Variants in EGF observed in about 807,000 individuals in gnomAD.
The protein encoded by EGF is pro-epidermal growth factor.
A neutral mutation model predicts 143.8 loss-of-function variants in EGF; 95 were observed. The observed-to-expected ratio is 0.66, with a 90% CI of 0.56 to 0.78. EGF has a LOEUF of 0.78. Ranked by LOEUF, EGF falls within the 30% of genes least tolerant of loss-of-function variation. EGF has a pLI of 0.00. For missense variants in EGF, 1,320 were observed against 1,470.9 expected (o/e 0.90, Z 1.68); for synonymous variants, 510 against 510.5 (o/e 1.00, Z 0.01).
At chr4:109,968,423 A>G (rs1746955500) in intron 10 of EGF, among the ~76,000 whole-genome samples, 1 of 152,162 alleles carries the variant, frequency 6.6e-6, no homozygotes, top group African/African-American at 2.4e-5. Context: ...GACTGAGCCC[A>G]GCTTGTAGCC....
chr4:109,987,714 A>G, intron 16 of EGF, 30 bp from the exon 17 acceptor site: 1 of 1,575,248 alleles, frequency 6.3e-7, no homozygotes, highest in Non-Finnish European at 8.7e-7. Flanking sequence ...AGGTCTAGAA[A>G]TAACTGCACG....
intron 21 of EGF, among the ~76,000 whole-genome samples, 160 bp downstream of exon 21, chr4:110,000,006 C>A (rs1752354733): frequency 6.6e-6 from 1 of 152,260 alleles, no homozygotes; most frequent in South Asian, 2.1e-4. Context: ...AATCCCAGCA[C>A]TTTGGGAGGC....
chr4:109,994,722 G>T lies in EGF; in HGVS notation c.2858-11G>T, dbSNP rs370698699. On this transcript the variant is annotated splice_polypyrimidine_tract_variant and intron_variant, in intron 19 of 23. Transcript: ENST00000265171. ...TTCAGAAAGTAAAAGTAATGTCTTG[G>T]GTTCTTTTAGACTCTACTCCACCCC... 137 of 1,613,650 alleles carry T rather than the reference G, an allele frequency of 8.5e-5. No individual in the cohort carries two copies. The highest frequency in any genetic ancestry group is 1.1e-4 in the Non-Finnish European group (132 of 1,179,864).
At chr4:109,973,923 C>T (rs1223255575) in intron 11 of EGF, among the ~76,000 whole-genome samples, 1 of 152,016 alleles carries the variant, frequency 6.6e-6, no homozygotes, top group African/African-American at 2.4e-5. Flanking sequence ...TACCATTGGC[C>T]CTGTTTATCT....
chr4:109,973,873 T>C (rs771036655), intron 11 of EGF, among the ~76,000 whole-genome samples: 15 of 152,158 alleles, frequency 9.9e-5, no homozygotes, highest in Admixed American at 2.0e-4. Context: ...CCAGATTCCA[T>C]TGGGTTATTT....
At chr4:109,999,398 C>T (rs1423440516) in intron 20 of EGF, among the ~76,000 whole-genome samples, 3 of 152,176 alleles carry the variant, frequency 2.0e-5, no homozygotes, top group Non-Finnish European at 4.4e-5. Context: ...TTTAGCCTAA[C>T]AGAAACTGAT....
intron 3 of EGF, 40 bp from the exon 4 acceptor site, chr4:109,943,802 T>C: frequency 6.4e-7 from 1 of 1,559,200 alleles, no homozygotes; most frequent in Non-Finnish European, 8.8e-7. Context: ...TAAGGCACTA[T>C]ACATTCATTT....
chr4:109,983,386 A>G, intron 15 of EGF, 36 bp from the exon 16 acceptor site: 2 of 1,609,654 alleles, frequency 1.2e-6, no homozygotes, highest in East Asian at 4.5e-5. Flanking sequence ...TGAAACAGAA[A>G]AGCTAAATTT....
chr4:109,962,528 A>G (rs1210042505), intron 8 of EGF, among the ~76,000 whole-genome samples: 2 of 152,186 alleles, frequency 1.3e-5, no homozygotes, highest in South Asian at 2.1e-4. Flanking sequence ...GAGAGAAAAA[A>G]ATTACTAGGA....
chr4:109,939,704 C>T (rs11568876), intron 1 of EGF, among the ~76,000 whole-genome samples: 22 of 152,292 alleles, frequency 1.4e-4, no homozygotes, highest in Non-Finnish European at 2.4e-4. Flanking sequence ...TTTAATTCAA[C>T]GTACTCTCCA....
intron 14 of EGF, chr4:109,980,583 T>G (rs2126116490): frequency 1.8e-6 from 1 of 548,440 alleles, no homozygotes; most frequent in South Asian, 2.1e-5. Context: ...ACTAAAGAGC[T>G]TCTTGAAAAA....
At chr4:109,928,807 G>A (rs1383278712) in intron 1 of EGF, among the ~76,000 whole-genome samples, 1 of 152,062 alleles carries the variant, frequency 6.6e-6, no homozygotes, top group African/African-American at 2.4e-5. Context: ...GTTAATGCTG[G>A]TCAGCTGTGC....
intron 5 of EGF, among the ~76,000 whole-genome samples, chr4:109,958,371 G>T (rs912370728): frequency 1.3e-5 from 2 of 152,092 alleles, no homozygotes; most frequent in African/African-American, 4.8e-5. Context: ...CCTTGATTCT[G>T]GCTCTGAAAA....
In EGF at chr4:110,008,970, G is replaced by A. The variant is rs3822285; in HGVS notation, c.3370+740G>A. Among the ~76,000 whole-genome samples, 2,168 of 152,294 alleles carry A rather than the reference G, an allele frequency of 0.014. 227 individuals carry two copies. The East Asian group carries it at 0.24, about 17-fold the overall frequency. On this transcript the variant is annotated intron_variant, in intron 23 of 23. Coordinates refer to ENST00000265171, the MANE Select transcript of EGF (RefSeq NM_001963.6). Reference sequence around the variant, plus strand: ...GAGAAACTTTTAGCCAACAAAAACAGCTCCTCTGCTAATGAAAGGAGCTAA... The same window carrying A: ...GAGAAACTTTTAGCCAACAAAAACAACTCCTCTGCTAATGAAAGGAGCTAA...
intron 4 of EGF, 46 bp from the exon 5 acceptor site, chr4:109,945,027 G>C: frequency 6.3e-7 from 1 of 1,590,204 alleles, no homozygotes; most frequent in Non-Finnish European, 8.6e-7. Flanking sequence ...ATAAGACAAG[G>C]AACAAATGTT....
chr4:109,937,475 T>G (rs1339272118), intron 1 of EGF, among the ~76,000 whole-genome samples: 1 of 152,040 alleles, frequency 6.6e-6, no homozygotes, highest in African/African-American at 2.4e-5. Context: ...ACACTGATGG[T>G]CTTGACTCTT....
chr4:109,993,508 G>A (rs897562149), intron 19 of EGF, 139 bp downstream of exon 19: 8 of 1,184,188 alleles, frequency 6.8e-6, no homozygotes, highest in African/African-American at 4.6e-5. Flanking sequence ...TGATTAGGAC[G>A]ATGCTGGGCT....
At chr4:110,008,837 T>C (rs937352436) in intron 23 of EGF, among the ~76,000 whole-genome samples, 1 of 152,180 alleles carries the variant, frequency 6.6e-6, no homozygotes, top group African/African-American at 2.4e-5. Flanking sequence ...CCTTAAGAGT[T>C]GTATTATGAT....
chr4:109,944,036 G>A lies in EGF; in HGVS notation c.704G>A (p.Gly235Glu). Reference protein sequence around the residue: ...NSLICSCDYDGGSVHISKHPT... With the variant: ...NSLICSCDYDEGSVHISKHPT... The stretch of plus-strand genomic sequence containing the variant: ...CTTATTTGCTCCTGTGATTATGATG[G>A]AGGTTCTGTCCACATTAGTAAACAT... Residue 235 changes from glycine (G) to glutamate (E), a missense_variant, in exon 4 of 24, where the codon GGA (glycine) becomes GAA (glutamate). Around this residue, in one of 5 missense-constraint regions of EGF, gnomAD observed 1,186 missense variants for 1,313.7 expected, o/e 0.90. Transcript: ENST00000265171. The A allele has an allele frequency of 6.2e-7, 1 of 1,614,146 alleles. No homozygotes were observed. Among genetic ancestry groups the A allele is most frequent in the Non-Finnish European group, 8.5e-7 (1 of 1,180,024 alleles).
Sources: allele counts gnomAD v4.1 joint callset (sites outside exome capture counted in the v4.1 genomes callset), GRCh38; gene constraint gnomAD v4.1.1; regional missense constraint gnomAD v4.1.1; transcripts MANE v1.5; gene names NCBI Gene and HGNC (gene_info 2026-07-23, HGNC 2026-07-21).